Variants in SPOCD1 observed in about 807,000 individuals in gnomAD.
The protein encoded by SPOCD1 is SPOC domain-containing protein 1.
Under a neutral mutation model 92.2 loss-of-function variants are expected in SPOCD1, and 64 were observed. The ratio of observed to expected loss-of-function variants is 0.69; its 90% CI spans 0.57 to 0.86. SPOCD1 has a LOEUF of 0.86. Ranked by LOEUF, SPOCD1 falls within the 40% of genes least tolerant of loss-of-function variation. The probability of loss-of-function intolerance (pLI) is 0.00; values close to 1 mark genes in which losing one functional copy is unlikely to be tolerated. For synonymous variants in SPOCD1, 578 were observed against 619.3 expected (o/e 0.93, Z 0.99); for missense variants, 1,360 against 1,543.1 (o/e 0.88, Z 1.99).
rs1484425264 is a variant in SPOCD1, at chr1:31,792,765, A to G, written c.2688T>C (p.Ala896=). 1 of 1,601,566 alleles carries G rather than the reference A, an allele frequency of 6.2e-7. No individual in the cohort carries two copies. Among genetic ancestry groups the G allele is most frequent in the Admixed American group, 1.7e-5 (1 of 58,414 alleles). The change falls in exon 14 of 16, where the codon GCT becomes GCC. Residue 896 remains alanine, a splice_region_variant and synonymous_variant. Transcript: ENST00000360482. The part of the protein sequence containing the change: ...VSGHSCRLVQ[A]LPTVIRSAGC... The stretch of plus-strand genomic sequence containing the variant: ...CTGCCGAGCGGATCACGGTGGGCAG[A>G]GCCTAGGGGCAGGAAGGATGGCCAG...
chr1:31,792,741 T>C lies in SPOCD1; in HGVS notation c.2712A>G (p.Ala904=), dbSNP rs1647695975. Residue 904 remains alanine, a synonymous_variant, in exon 14 of 16, where the codon GCA becomes GCG. Coordinates refer to ENST00000360482, the MANE Select transcript of SPOCD1 (RefSeq NM_144569.7). The part of the protein sequence containing the change: ...VQALPTVIRS[A]GCIPSNIVWD... ...AGACAATGTTGGAGGGGATGCAGCC[T>C]GCCGAGCGGATCACGGTGGGCAGAG... The C allele has an allele frequency of 6.2e-7, 1 of 1,607,104 alleles. No individual in the cohort carries two copies. Among genetic ancestry groups the C allele is most frequent in the Non-Finnish European group, 8.5e-7 (1 of 1,177,416 alleles).
chr1:31,808,396 A>G (rs2149115726), intron 2 of SPOCD1, among the ~76,000 whole-genome samples: 1 of 151,530 alleles, frequency 6.6e-6, no homozygotes, highest in East Asian at 1.9e-4. Flanking sequence ...GATAAAAATC[A>G]TACTATTATC....
rs1336615928 is a variant in SPOCD1 at position 31,791,105 on chromosome 1, G to A, written c.3149C>T (p.Pro1050Leu). The change falls in exon 16 of 16, where the codon CCA (proline) becomes CTA (leucine). Residue 1050 changes from proline to leucine, a missense_variant. By Grantham distance (98) the Pro-to-Leu change is moderately conservative (BLOSUM62 -3). Around this residue, in one of 3 missense-constraint regions of SPOCD1, gnomAD observed 614 missense variants for 757.8 expected, o/e 0.81. Transcript: ENST00000360482. ...GGGCACATTCGGCCTCCTGTCATCT[G>A]GCTGATAGTATCTCTTCTCCACCTT... ...NSKVEKRYYQ[P>L]DDRRPNVPLK... 4.3e-6 allele frequency: 7 copies of A among 1,613,066 alleles called. No individual in the cohort carries two copies. Among genetic ancestry groups the A allele is most frequent in the South Asian group, 1.1e-5 (1 of 91,000 alleles).
At position 31,814,088 on chromosome 1, in the gene SPOCD1, G is replaced by C. The variant is rs1179425581; in HGVS notation, c.1246C>G (p.Gln416Glu). ...SRACSGPFME[Q>E]RRSKGTKNLK... Reference sequence around the variant, plus strand: ...TTCTTAGTGCCCTTGGATCTTCTCTGCTCCATGAATGGGCCTGAGCAGGCC... The same window carrying C: ...TTCTTAGTGCCCTTGGATCTTCTCTCCTCCATGAATGGGCCTGAGCAGGCC... Residue 416 changes from glutamine (Q) to glutamate (E), a missense_variant, in exon 2 of 16, where the codon CAG (glutamine) becomes GAG (glutamate). Gln to Glu is a conservative substitution (Grantham distance 29, BLOSUM62 2). Coordinates refer to ENST00000360482, the MANE Select transcript of SPOCD1 (RefSeq NM_144569.7). This position sits in a 1 kb window ranked among gnomAD's most constrained non-coding sequence, Gnocchi z 4.2. The C allele has an allele frequency of 6.2e-7, 1 of 1,613,526 alleles. No homozygotes were observed. Among genetic ancestry groups the C allele is most frequent in the African/African-American group, 1.3e-5 (1 of 74,922 alleles).
In SPOCD1 at chr1:31,814,371, A is replaced by C. The variant is rs1649407065; in HGVS notation, c.963T>G (p.Ala321=). 3 of 1,606,152 alleles carry C rather than the reference A, an allele frequency of 1.9e-6. No individual in the cohort carries two copies. The highest frequency in any genetic ancestry group is 2.6e-6 in the Non-Finnish European group (3 of 1,175,826). ...GGCACAGTGCTGCGCTCTGTGGAGG[A>C]GCCTGTGCAGCTGAACTGAGGGACT... ...GGESLSSAAQ[A]PPQSAALCLG... is the part of the protein sequence containing the mutation. Residue 321 remains alanine (A), a synonymous_variant, in exon 2 of 16, where the codon GCT becomes GCG. Coordinates refer to ENST00000360482, the MANE Select transcript of SPOCD1 (RefSeq NM_144569.7). The surrounding 1 kb of genome is among the most constrained non-coding windows in gnomAD (Gnocchi z 4.2).
Position 31,814,157 on chromosome 1 carries a change from G to T in SPOCD1, c.1177C>A (p.Pro393Thr). The stretch of plus-strand genomic sequence containing the variant: ...AGGGAGGAGCTGAGGCCGCCCAAGG[G>T]CTCCCGGGAGCTGGCACAGGTGTCA... ...PADTCASSRE[P>T]LGGLSSSLDT... Residue 393 changes from proline to threonine, a missense_variant, in exon 2 of 16, where the codon CCC becomes ACC. This residue lies in a region of SPOCD1 where 606 missense variants were observed against 601.5 expected (regional missense o/e 1.01). Coordinates refer to ENST00000360482, the MANE Select transcript of SPOCD1 (RefSeq NM_144569.7). The surrounding 1 kb of genome is among the most constrained non-coding windows in gnomAD (Gnocchi z 4.2). The T allele has an allele frequency of 1.3e-6, 2 of 1,581,434 alleles. No individual in the cohort carries two copies. Among genetic ancestry groups the T allele is most frequent in the Non-Finnish European group, 8.6e-7 (1 of 1,160,188 alleles).
At chr1:31,806,571 G>C (rs1029845457) in intron 2 of SPOCD1, among the ~76,000 whole-genome samples, 1 of 149,654 alleles carries the variant, frequency 6.7e-6, no homozygotes, top group African/African-American at 2.5e-5. Flanking sequence ...TTGAGACGGA[G>C]TCTCACACTG....
At chr1:31,800,666 C>A (rs760907936) in intron 3 of SPOCD1, 49 bp from the exon 4 acceptor site, 4 of 1,503,926 alleles carry the variant, frequency 2.7e-6, no homozygotes, top group East Asian at 4.8e-5. Context: ...GCCGCTGTCC[C>A]CGCCTTCAGA....
chr1:31,811,101 T>A (rs375605494), intron 2 of SPOCD1, among the ~76,000 whole-genome samples: 10 of 152,188 alleles, frequency 6.6e-5, no homozygotes, highest in Non-Finnish European at 1.5e-4. Context: ...TCCTGGCAGT[T>A]CTGGGGCCCA....
rs144211428 is a variant in SPOCD1, at chr1:31,791,082, G to A, written c.3172C>T (p.Pro1058Ser). The change falls in exon 16 of 16, where the codon CCC becomes TCC. Residue 1058 changes from proline to serine, a missense_variant. Pro to Ser is a moderately conservative substitution (Grantham distance 74). This residue lies in a region of SPOCD1 where 614 missense variants were observed against 757.8 expected (regional missense o/e 0.81). Transcript: ENST00000360482. ...CCTGGGGGAGGGGTGCCCTTCAGGGGCACATTCGGCCTCCTGTCATCTGGC... is the reference window on the plus strand; with the variant it reads ...CCTGGGGGAGGGGTGCCCTTCAGGGACACATTCGGCCTCCTGTCATCTGGC... ...YQPDDRRPNV[P>S]LKGTPPPGGA... 1 of 1,612,880 alleles carries A rather than the reference G, an allele frequency of 6.2e-7. No homozygotes were observed. Among genetic ancestry groups the A allele is most frequent in the Non-Finnish European group, 8.5e-7 (1 of 1,179,922 alleles).
Position 31,790,843 on chromosome 1 carries a change from C to T in SPOCD1, c.3411G>A (p.Gln1137=). Residue 1137 remains glutamine, a synonymous_variant, in exon 16 of 16, where the codon CAG becomes CAA. Coordinates refer to ENST00000360482, the MANE Select transcript of SPOCD1 (RefSeq NM_144569.7). ...GGGGACAGGAGTCCCTGTGGAAGTG[C>T]TGGCCACGGCCAAAGCCATGACCAG... ...APAGHGFGRG[Q]HFHRDSCPHQ... 6.5e-7 allele frequency: 1 copy of T among 1,540,800 alleles called. No homozygotes were observed. Among genetic ancestry groups the T allele is most frequent in the East Asian group, 2.4e-5 (1 of 42,374 alleles).
In SPOCD1 at chr1:31,791,254, T is replaced by G. The variant is rs766106776; in HGVS notation, c.3000A>C (p.Pro1000=). The G allele has an allele frequency of 6.4e-7, 1 of 1,564,170 alleles. No homozygotes were observed. Among genetic ancestry groups the G allele is most frequent in the Non-Finnish European group, 8.7e-7 (1 of 1,153,810 alleles). The change falls in exon 16 of 16, where the codon CCA becomes CCC. Residue 1000 remains proline (P), a synonymous_variant. Coordinates refer to ENST00000360482, the MANE Select transcript of SPOCD1 (RefSeq NM_144569.7). The stretch of plus-strand genomic sequence containing the variant: ...GACTTGAGTGAGTGACCTCCAGACC[T>G]GGGGAAAGGAGAGGGGAGACAGGAA... ...WALPVSPLLS[P]GLEVTHSSLL...
rs371863522 is a variant in SPOCD1, at chr1:31,800,573, G to A, written c.1470C>T (p.His490=). ...GTGGCAGCTGCCCCCCTGCCTGGCC[G>A]TGGCTGATGGCCCCCAGGAGCTGGA... is the stretch of plus-strand genomic sequence containing the variant. The part of the protein sequence containing the change: ...PVIQLLGAIS[H]GQAGGQLPPK... The change falls in exon 4 of 16, where the codon CAC becomes CAT. Residue 490 remains histidine, a synonymous_variant. Coordinates refer to ENST00000360482, the MANE Select transcript of SPOCD1 (RefSeq NM_144569.7). 98 of 1,610,578 alleles carry A rather than the reference G, an allele frequency of 6.1e-5. No individual in the cohort carries two copies. The East Asian group carries it at 9.8e-4, about 16-fold the overall frequency.
chr1:31,810,512 C>A (rs1462342741), intron 2 of SPOCD1, among the ~76,000 whole-genome samples: 2 of 152,070 alleles, frequency 1.3e-5, no homozygotes, highest in Non-Finnish European at 2.9e-5. Context: ...AGCCACCATG[C>A]CCAGCTAATC....
intron 2 of SPOCD1, among the ~76,000 whole-genome samples, chr1:31,804,597 G>A (rs1418350415): frequency 6.6e-6 from 1 of 152,180 alleles, no homozygotes; most frequent in Non-Finnish European, 1.5e-5. Context: ...AATCAAGAGA[G>A]CTGTTATTTT....
chr1:31,797,899 C>T (rs929776732), intron 9 of SPOCD1, among the ~76,000 whole-genome samples: 3 of 152,228 alleles, frequency 2.0e-5, no homozygotes, highest in Non-Finnish European at 4.4e-5. Context: ...CTCAGGACTC[C>T]GGACTCTAGG....
In SPOCD1 at chr1:31,815,272, T is replaced by C; in HGVS notation, c.62A>G (p.His21Arg). 8 of 1,595,096 alleles carry C rather than the reference T, an allele frequency of 5.0e-6. No individual in the cohort carries two copies. Among genetic ancestry groups the C allele is most frequent in the Non-Finnish European group, 5.1e-6 (6 of 1,165,548 alleles). Residue 21 changes from histidine to arginine, a missense_variant, in exon 2 of 16, where the codon CAC (histidine) becomes CGC (arginine). His to Arg is a conservative substitution (Grantham distance 29). Around this residue, in one of 3 missense-constraint regions of SPOCD1, gnomAD observed 140 missense variants for 183.8 expected, o/e 0.76. Coordinates refer to ENST00000360482, the MANE Select transcript of SPOCD1 (RefSeq NM_144569.7). ...STGDPVLSPQ[H>R]NCELLQNMEG... Reference sequence around the variant, plus strand: ...CATGTTCTGTAAAAGCTCACAGTTGTGTTGGGGACTGAGCACAGGGTCTCC... The same window carrying C: ...CATGTTCTGTAAAAGCTCACAGTTGCGTTGGGGACTGAGCACAGGGTCTCC...
At chr1:31,810,758 G>T (rs1649145531) in intron 2 of SPOCD1, among the ~76,000 whole-genome samples, 1 of 152,210 alleles carries the variant, frequency 6.6e-6, no homozygotes, top group African/African-American at 2.4e-5. Flanking sequence ...CTGCTCTTCT[G>T]TTAGGAAGAC....
At chr1:31,793,982 G>C (rs1040459650) in intron 11 of SPOCD1, 85 bp from the exon 12 acceptor site, 20 of 1,545,218 alleles carry the variant, frequency 1.3e-5, no homozygotes, top group East Asian at 2.3e-5. Flanking sequence ...GGTTGAACCA[G>C]GTTCTTTTCT....
Sources: gnomAD v4.1 joint callset for allele counts (sites outside exome capture counted in the v4.1 genomes callset) on GRCh38, gnomAD v4.1.1 for gene constraint, gnomAD v4.1.1 regional missense constraint, Gnocchi (gnomAD v3.1) non-coding constraint, MANE v1.5 for transcripts, NCBI Gene and HGNC (gene_info 2026-07-23, HGNC 2026-07-21) for gene names.